The following ATIC variants were observed in gnomAD, a reference collection of about 807,000 sequenced individuals.
ATIC encodes bifunctional purine biosynthesis protein ATIC.
Under a neutral mutation model 72.5 loss-of-function variants are expected in ATIC, and 64 were observed. The ratio of observed to expected loss-of-function variants is 0.88; its 90% CI spans 0.72 to 1.09. The LOEUF (loss-of-function observed/expected upper bound fraction) is 1.09, where lower values mean the gene tolerates loss of function less well. Ranked by LOEUF, ATIC falls within the 50% of genes least tolerant of loss-of-function variation. The pLI, the probability that ATIC is intolerant of heterozygous loss-of-function variation, is 0.00. For synonymous variants in ATIC, 281 were observed against 267.1 expected (o/e 1.05, Z -0.51); for missense variants, 787 against 732.4 (o/e 1.07, Z -0.86).
At chr2:215,338,641 T>C (rs2052982650) in intron 11 of ATIC, 138 bp from the exon 12 acceptor site, 1 of 879,420 alleles carries the variant, frequency 1.1e-6, no homozygotes, top group Non-Finnish European at 1.7e-6. Context: ...GTGAGAAAAA[T>C]TAGAAAATTA....
At chr2:215,312,933 A>G (rs995482738) in intron 2 of ATIC, among the ~76,000 whole-genome samples, 21 of 152,286 alleles carry the variant, frequency 1.4e-4, no homozygotes, top group African/African-American at 4.1e-4. Flanking sequence ...ACCCGTCTCT[A>G]CTAAAAATAC....
downstream of ATIC, among the ~76,000 whole-genome samples, chr2:215,352,919 T>C (rs918057160): frequency 2.0e-5 from 3 of 152,230 alleles, no homozygotes; most frequent in Non-Finnish European, 4.4e-5. Context: ...TGATGTCGTT[T>C]AATTTGTGCC....
chr2:215,349,803 C>A, downstream of ATIC: 3 of 1,419,614 alleles, frequency 2.1e-6, no homozygotes, highest in South Asian at 3.6e-5. Context: ...GTTAAAGATG[C>A]AGGCTCTTTG....
At chr2:215,337,465 C>A (rs994374994) in intron 11 of ATIC, among the ~76,000 whole-genome samples, 1 of 152,122 alleles carries the variant, frequency 6.6e-6, no homozygotes, top group African/African-American at 2.4e-5. Context: ...CTCCTGAGTT[C>A]AAGCGATTTT....
chr2:215,337,685 T>G (rs79550673), intron 11 of ATIC, among the ~76,000 whole-genome samples: 3,852 of 151,568 alleles, frequency 0.025, 161 homozygotes, highest in African/African-American at 0.089. Flanking sequence ...CTTAATCAAG[T>G]TTTTTTTTTG....
rs925252462 is a variant in ATIC at position 215,312,588 on chromosome 2, C to T, written c.110C>T (p.Thr37Ile). 1 of 1,614,252 alleles carries T rather than the reference C, an allele frequency of 6.2e-7. No individual in the cohort carries two copies. The highest frequency in any genetic ancestry group is 8.5e-7 in the Non-Finnish European group (1 of 1,180,044). The change falls in exon 2 of 16, where the codon ACT becomes ATT. Residue 37 changes from threonine to isoleucine, a missense_variant. Transcript: ENST00000236959. Reference sequence around the variant, plus strand: ...TTGAATCTGGTCGCTTCCGGAGGGACTGCAAAAGCTCTCAGGGATGCTGGT... The same window carrying T: ...TTGAATCTGGTCGCTTCCGGAGGGATTGCAAAAGCTCTCAGGGATGCTGGT... ...LGLNLVASGG[T>I]AKALRDAGLA...
At chr2:215,325,139 C>A in intron 4 of ATIC, 102 bp from the exon 5 acceptor site, 1 of 845,460 alleles carries the variant, frequency 1.2e-6, no homozygotes, top group Non-Finnish European at 2.0e-6. Flanking sequence ...TTCTCTATGG[C>A]TTTTGTTTAC....
chr2:215,354,752 A>G (rs2106057660), downstream of ATIC, among the ~76,000 whole-genome samples: 1 of 146,842 alleles, frequency 6.8e-6, no homozygotes, highest in East Asian at 2.0e-4. Context: ...TTGTTTTACT[A>G]TTTCTACTTC....
intron 14 of ATIC, 56 bp downstream of exon 14, chr2:215,346,997 T>G (rs2053079047): frequency 2.5e-6 from 4 of 1,576,768 alleles, no homozygotes; most frequent in African/African-American, 1.3e-5. Flanking sequence ...CAACCCTTTA[T>G]GTGTAACAGA....
chr2:215,333,703 T>C (rs995308269), intron 9 of ATIC, among the ~76,000 whole-genome samples: 8 of 152,182 alleles, frequency 5.3e-5, no homozygotes, highest in African/African-American at 1.9e-4. Context: ...ATATTTGAGA[T>C]TGATTCTGTG....
Position 215,339,046 on chromosome 2 carries a change from G to A in ATIC, c.1227+139G>A. On this transcript the variant is annotated intron_variant, in intron 12 of 15. Transcript: ENST00000236959. ...CGGCTAGCTAGCTTATCTTTGAGTT[G>A]TCACATAAGCTTTGGAGTTTAAGAA... 2.5e-6 allele frequency: 3 copies of A among 1,194,418 alleles called. No homozygotes were observed. The Admixed American group carries it at 5.5e-5, about 22-fold the overall frequency. The allele number at this position is 1,194,418 out of a possible 1,614,324, so 74.0% of individuals were successfully genotyped here.
In ATIC at chr2:215,346,945, A is replaced by C. The variant is rs752224728; in HGVS notation, c.1503+4A>C. 6.2e-7 allele frequency: 1 copy of C among 1,614,148 alleles called. No individual in the cohort carries two copies. Among genetic ancestry groups the C allele is most frequent in the Non-Finnish European group, 8.5e-7 (1 of 1,180,000 alleles). On this transcript the variant is annotated splice_donor_region_variant and intron_variant, in intron 14 of 15. Coordinates refer to ENST00000236959, the MANE Select transcript of ATIC (RefSeq NM_004044.7). The stretch of plus-strand genomic sequence containing the variant: ...TGTGACTGGAACCATTGGCGAGGTG[A>C]AAGACTTGGCATTGGGTTCTCGGCT...
the ATIC span, chr2:215,364,881 G>C: frequency 6.4e-7 from 1 of 1,552,054 alleles, no homozygotes; most frequent in South Asian, 1.2e-5. Context: ...AGTCTTACCC[G>C]CTGGCCTCCA....
At chr2:215,326,343 G>T (rs148878061) in intron 6 of ATIC, among the ~76,000 whole-genome samples, 1 of 152,242 alleles carries the variant, frequency 6.6e-6, no homozygotes, top group African/African-American at 2.4e-5. Flanking sequence ...GGTGGCTCAC[G>T]CCTGTAATCC....
intron 2 of ATIC, among the ~76,000 whole-genome samples, chr2:215,316,865 C>A (rs987529535): frequency 1.3e-5 from 2 of 152,084 alleles, no homozygotes; most frequent in South Asian, 4.1e-4. Context: ...CGGGTTCAAG[C>A]GATTCTCCTG....
chr2:215,333,891 A>T (rs898305671), intron 9 of ATIC, among the ~76,000 whole-genome samples: 16 of 151,774 alleles, frequency 1.1e-4, no homozygotes, highest in African/African-American at 1.4e-4. Context: ...AAATACAAAA[A>T]ATTAGCTGGG....
At chr2:215,325,181 T>A (rs2052809100) in intron 4 of ATIC, 60 bp from the exon 5 acceptor site, 1 of 1,290,110 alleles carries the variant, frequency 7.8e-7, no homozygotes, top group South Asian at 1.2e-5. Context: ...TTTTCCTAGA[T>A]AGCTGTAAAC....
At chr2:215,317,613 G>A (rs1224571572) in intron 2 of ATIC, among the ~76,000 whole-genome samples, 2 of 151,972 alleles carry the variant, frequency 1.3e-5, no homozygotes, top group African/African-American at 4.8e-5. Flanking sequence ...AGCCTCCCCA[G>A]TAGCTGGGAT....
At chr2:215,348,588 C>G (rs2053095763) in intron 14 of ATIC, 27 of 373,030 alleles carry the variant, frequency 7.2e-5, no homozygotes, top group South Asian at 5.0e-4. Context: ...CACTTTTTTT[C>G]CTTAATGAAA....
Sources: gnomAD v4.1 joint callset for allele counts (sites outside exome capture counted in the v4.1 genomes callset) on GRCh38, gnomAD v4.1.1 for gene constraint, MANE v1.5 for transcripts, NCBI Gene and HGNC (gene_info 2026-07-23, HGNC 2026-07-21) for gene names.